Variants in SDK1 observed in about 807,000 individuals in gnomAD.
SDK1 encodes protein sidekick-1.
In SDK1, 157 loss-of-function variants were observed where a neutral mutation model predicts 245.5. The observed-to-expected ratio is 0.64, with a 90% confidence interval of 0.56 to 0.73. The LOEUF (loss-of-function observed/expected upper bound fraction) is 0.73. SDK1 is among the 30% of genes least tolerant of loss of function. SDK1 has a pLI of 0.00. For missense variants in SDK1, 3,583 were observed against 3,002.3 expected, an observed-to-expected ratio of 1.19 and a Z score of -4.52; for synonymous variants, 1,647 against 1,278.5, an observed-to-expected ratio of 1.29 and a Z score of -6.15.
intron 22 of SDK1, among the ~76,000 whole-genome samples, chr7:4,089,707 TA>T (rs1781667967): frequency 6.6e-6 from 1 of 152,342 alleles, no homozygotes; most frequent in Non-Finnish European, 1.5e-5. Flanking sequence ...AGCCAGTGGT[TA>T]AACATTTCAT....
At chr7:4,160,304 C>A (rs1781032946) in intron 31 of SDK1, among the ~76,000 whole-genome samples, 1 of 152,218 alleles carries the variant, frequency 6.6e-6, no homozygotes, top group South Asian at 2.1e-4. Context: ...ATCTCTCTGA[C>A]AGATTGTGTG....
chr7:3,560,824 T>G (rs990050305), intron 1 of SDK1, among the ~76,000 whole-genome samples: 3 of 152,172 alleles, frequency 2.0e-5, no homozygotes, highest in African/African-American at 7.2e-5. Context: ...TCCTCCAACC[T>G]GCCCGAGTTG....
At chr7:3,640,076 C>T (rs769721647) in intron 3 of SDK1, among the ~76,000 whole-genome samples, 1 of 147,078 alleles carries the variant, frequency 6.8e-6, no homozygotes, top group Admixed American at 6.8e-5. Flanking sequence ...AGGTTGGTCT[C>T]TAATGCCTGG....
intron 5 of SDK1, among the ~76,000 whole-genome samples, chr7:3,824,393 G>A (rs772552509): frequency 1.1e-4 from 17 of 152,242 alleles, no homozygotes; most frequent in Admixed American, 3.9e-4. Context: ...GCTTGCTGTC[G>A]GGAGAATAAA....
At chr7:3,810,035 A>G (rs1779347660) in intron 4 of SDK1, among the ~76,000 whole-genome samples, 2 of 152,160 alleles carry the variant, frequency 1.3e-5, no homozygotes, top group African/African-American at 2.4e-5. Flanking sequence ...AGCCATGGCC[A>G]TATTTATTTA....
At chr7:3,981,068 C>G (rs1176179076) in intron 13 of SDK1, among the ~76,000 whole-genome samples, 1 of 152,150 alleles carries the variant, frequency 6.6e-6, no homozygotes, top group Non-Finnish European at 1.5e-5. Flanking sequence ...TGCAGCAACC[C>G]TGTGTTAAGT....
rs540514437 is a variant in SDK1 at position 3,842,400 on chromosome 7, G to T, written c.847+20817G>T. Among the ~76,000 whole-genome samples, 3 of 152,278 alleles carry T rather than the reference G, an allele frequency of 2.0e-5. No individual in the cohort carries two copies. The South Asian group carries it at 6.2e-4, about 32-fold the overall frequency. On this transcript the variant is annotated intron_variant, in intron 5 of 44. Coordinates refer to ENST00000404826, the MANE Select transcript of SDK1 (RefSeq NM_152744.4). ...GGTACTGGGTCACTGTGCTGGTATG[G>T]GTAGTGGATCACTGTATTGGCATGG... is the stretch of plus-strand genomic sequence containing the variant.
At chr7:4,049,853 G>T (rs1789309534) in intron 18 of SDK1, among the ~76,000 whole-genome samples, 1 of 152,348 alleles carries the variant, frequency 6.6e-6, no homozygotes, top group Non-Finnish European at 1.5e-5. Flanking sequence ...TTTCCATGGA[G>T]AAAGGATAGT....
At chr7:3,384,080 T>G (rs1781553085) in intron 1 of SDK1, among the ~76,000 whole-genome samples, 1 of 152,206 alleles carries the variant, frequency 6.6e-6, no homozygotes, top group Non-Finnish European at 1.5e-5. Context: ...AGGCCGTGAT[T>G]AGGTAGAAAT....
chr7:4,043,674 C>T (rs578109024), intron 17 of SDK1, among the ~76,000 whole-genome samples: 6 of 152,340 alleles, frequency 3.9e-5, no homozygotes, highest in East Asian at 1.9e-4. Flanking sequence ...CGCAAAGGTA[C>T]AGACGTCCTC....
intron 34 of SDK1, among the ~76,000 whole-genome samples, chr7:4,178,226 G>A (rs1445512997): frequency 6.6e-6 from 1 of 152,328 alleles, no homozygotes; most frequent in East Asian, 1.9e-4. Flanking sequence ...CTTTAGAGGA[G>A]GGAGCTCCGT....
chr7:4,120,279 A>T (rs1038955088), intron 25 of SDK1, among the ~76,000 whole-genome samples: 1 of 149,236 alleles, frequency 6.7e-6, no homozygotes, highest in Non-Finnish European at 1.5e-5. Context: ...AAGAAACACC[A>T]ATCCCGAGTG....
At chr7:3,846,520 C>G (rs936391064) in intron 5 of SDK1, among the ~76,000 whole-genome samples, 30 of 152,314 alleles carry the variant, frequency 2.0e-4, no homozygotes, top group Non-Finnish European at 3.7e-4. Flanking sequence ...TCCCTGCACA[C>G]CTCACTCTCA....
At chr7:4,106,029 C>A (rs1415411106) in intron 22 of SDK1, among the ~76,000 whole-genome samples, 1 of 152,156 alleles carries the variant, frequency 6.6e-6, no homozygotes, top group African/African-American at 2.4e-5. Flanking sequence ...AGGCACTGGG[C>A]GGGAAGGGCA....
chr7:3,496,192 A>G (rs1383611698), intron 1 of SDK1, among the ~76,000 whole-genome samples: 2 of 152,126 alleles, frequency 1.3e-5, no homozygotes, highest in Non-Finnish European at 2.9e-5. Flanking sequence ...AAATGAGGCT[A>G]GCAGTGGGAC....
intron 4 of SDK1, among the ~76,000 whole-genome samples, chr7:3,686,513 C>T (rs752672894): frequency 1.3e-5 from 2 of 152,310 alleles, no homozygotes; most frequent in East Asian, 1.9e-4. Context: ...CTGTCACTCA[C>T]GCATACATAC....
At chr7:4,125,484 T>C (rs1166185196) in intron 25 of SDK1, among the ~76,000 whole-genome samples, 1 of 147,926 alleles carries the variant, frequency 6.8e-6, no homozygotes, top group Non-Finnish European at 1.5e-5. Context: ...ACTGGATGGA[T>C]TGATTGATGG....
At chr7:4,088,626 T>C (rs954641362) in intron 22 of SDK1, among the ~76,000 whole-genome samples, 1 of 152,164 alleles carries the variant, frequency 6.6e-6, no homozygotes, top group East Asian at 1.9e-4. Context: ...GCTGCTCATT[T>C]GGTTTTTCTG....
At chr7:3,743,341 G>A (rs551908207) in intron 4 of SDK1, among the ~76,000 whole-genome samples, 1 of 152,186 alleles carries the variant, frequency 6.6e-6, no homozygotes, top group Non-Finnish European at 1.5e-5. Context: ...GTACAGTCTT[G>A]CTAAGTCACA....
Sources: gnomAD v4.1 joint callset for allele counts (sites outside exome capture counted in the v4.1 genomes callset) on GRCh38, gnomAD v4.1.1 for gene constraint, MANE v1.5 for transcripts, NCBI Gene and HGNC (gene_info 2026-07-23, HGNC 2026-07-21) for gene names.